ADAMTS19: variants seen among roughly 807,000 people sequenced by gnomAD.
ADAMTS19 encodes ADAM metallopeptidase with thrombospondin type 1 motif 19.
A neutral mutation model predicts 153.3 loss-of-function variants in ADAMTS19; 93 were observed. The observed-to-expected ratio is 0.61, with a 90% CI of 0.51 to 0.72. The LOEUF (loss-of-function observed/expected upper bound fraction) is 0.72. Ranked by LOEUF, ADAMTS19 falls within the 30% of genes least tolerant of loss-of-function variation. The pLI is 0.00. For missense variants in ADAMTS19, 1,482 were observed against 1,552.1 expected (o/e 0.95, Z 0.76); for synonymous variants, 600 against 556.6 (o/e 1.08, Z -1.10).
In ADAMTS19 at chr5:129,516,425, G is replaced by A. The variant is rs549748883; in HGVS notation, c.913+7183G>A. ...ACAGAATTCAGCAGTGAAGCCATAG[G>A]GTCCTGGACTTGACTTTACGGGAAG... On this transcript the variant is annotated intron_variant, in intron 3 of 22. Transcript: ENST00000274487. Among the ~76,000 whole-genome samples the A allele has an allele frequency of 1.9e-3, 287 of 151,560 alleles. 1 individual carries two copies. Among genetic ancestry groups the A allele is most frequent in the African/African-American group, 6.5e-3 (269 of 41,418 alleles).
intron 17 of ADAMTS19, among the ~76,000 whole-genome samples, chr5:129,681,380 G>T (rs1015608911): frequency 6.6e-6 from 1 of 152,160 alleles, no homozygotes; most frequent in African/African-American, 2.4e-5. Context: ...AATAAAGGGA[G>T]CAAGGTGAGT....
chr5:129,469,844 C>A (rs114892741), intron 2 of ADAMTS19, among the ~76,000 whole-genome samples: 1,605 of 152,174 alleles, frequency 0.011, 24 homozygotes, highest in African/African-American at 0.037. Flanking sequence ...GTGTACCTAC[C>A]TTTATGGCAT....
chr5:129,725,076 T>C (rs1192086271), intron 21 of ADAMTS19, among the ~76,000 whole-genome samples: 1 of 152,080 alleles, frequency 6.6e-6, no homozygotes, highest in African/African-American at 2.4e-5. Flanking sequence ...AAGAAATGAT[T>C]TGGGGGCTGC....
At chr5:129,710,010 C>T (rs752527072) in intron 21 of ADAMTS19, among the ~76,000 whole-genome samples, 50 of 151,490 alleles carry the variant, frequency 3.3e-4, no homozygotes, top group Non-Finnish European at 5.3e-4. Context: ...ATGTGCAGGA[C>T]CTGCAGGTTT....
chr5:129,563,984 A>G (rs1753614201), intron 7 of ADAMTS19, among the ~76,000 whole-genome samples: 1 of 152,024 alleles, frequency 6.6e-6, no homozygotes. Context: ...CAGTGGCGCA[A>G]TCTCGGCTCA....
chr5:129,461,873 G>A lies in ADAMTS19; in HGVS notation c.747+116G>A. ...TTTCAGTGTGCTCCTTTTGAGCTTGGCCCTAGACTGCACCCCCAGGTGTCT... is the reference window on the plus strand; with the variant it reads ...TTTCAGTGTGCTCCTTTTGAGCTTGACCCTAGACTGCACCCCCAGGTGTCT... On this transcript the variant is annotated intron_variant, in intron 2 of 22. Transcript: ENST00000274487. The surrounding 1 kb of genome is among the most constrained non-coding windows in gnomAD (Gnocchi z 4.6). 4.4e-6 allele frequency: 6 copies of A among 1,359,888 alleles called. No individual in the cohort carries two copies. The South Asian group carries it at 7.8e-5, about 18-fold the overall frequency. The allele number at this position is 1,359,888 out of a possible 1,614,324, so 84.2% of individuals were successfully genotyped here.
At chr5:129,470,375 G>A (rs949370588) in intron 2 of ADAMTS19, among the ~76,000 whole-genome samples, 1 of 152,198 alleles carries the variant, frequency 6.6e-6, no homozygotes, top group East Asian at 1.9e-4. Flanking sequence ...GTTCCTGGTA[G>A]GTGGGATATG....
chr5:129,654,489 A>G, intron 14 of ADAMTS19, 56 bp downstream of exon 14: 1 of 1,569,020 alleles, frequency 6.4e-7, no homozygotes, highest in East Asian at 2.2e-5. Flanking sequence ...TTGTGGGACC[A>G]CTGAGCAGCT....
intron 15 of ADAMTS19, among the ~76,000 whole-genome samples, chr5:129,661,211 T>C (rs777222613): frequency 3.6e-4 from 55 of 152,268 alleles, no homozygotes; most frequent in South Asian, 2.1e-3. Context: ...TTGTCTTTCA[T>C]TTCCCATTAG....
At chr5:129,576,792 A>G (rs1207821029) in intron 7 of ADAMTS19, among the ~76,000 whole-genome samples, 1 of 152,132 alleles carries the variant, frequency 6.6e-6, no homozygotes, top group Non-Finnish European at 1.5e-5. Context: ...TTGGTGGCCA[A>G]CCATGCAGTT....
intron 2 of ADAMTS19, among the ~76,000 whole-genome samples, chr5:129,462,694 A>C (rs906324762): frequency 6.6e-6 from 1 of 152,178 alleles, no homozygotes; most frequent in Non-Finnish European, 1.5e-5. Context: ...CATTAAGTAC[A>C]TTCACGTTGT....
chr5:129,642,070 T>A, intron 11 of ADAMTS19, 110 bp downstream of exon 11: 1 of 479,684 alleles, frequency 2.1e-6, no homozygotes, highest in Non-Finnish European at 3.7e-6. Context: ...GATGGAATAA[T>A]AACAGTATAT....
chr5:129,611,697 T>C (rs962680767), intron 8 of ADAMTS19, among the ~76,000 whole-genome samples: 1 of 152,178 alleles, frequency 6.6e-6, no homozygotes, highest in Non-Finnish European at 1.5e-5. Context: ...TGTAGCCTTG[T>C]AGTTTAGTTT....
chr5:129,686,131 A>G (rs967186119), intron 18 of ADAMTS19, among the ~76,000 whole-genome samples: 1 of 152,182 alleles, frequency 6.6e-6, no homozygotes, highest in Non-Finnish European at 1.5e-5. Context: ...TTAGGATGAT[A>G]CCAGTCCTTA....
chr5:129,675,457 C>T (rs1754511009), intron 16 of ADAMTS19, among the ~76,000 whole-genome samples: 1 of 152,022 alleles, frequency 6.6e-6, no homozygotes, highest in Admixed American at 6.6e-5. Flanking sequence ...TTTTTAGAAT[C>T]CAGTCAGTTT....
At chr5:129,484,335 C>A (rs1271349398) in intron 2 of ADAMTS19, among the ~76,000 whole-genome samples, 1 of 152,074 alleles carries the variant, frequency 6.6e-6, no homozygotes, top group East Asian at 1.9e-4. Flanking sequence ...CATGTTGAAG[C>A]CCTCAGGGTA....
chr5:129,497,027 C>A (rs1750947051), intron 2 of ADAMTS19, among the ~76,000 whole-genome samples: 1 of 151,978 alleles, frequency 6.6e-6, no homozygotes, highest in Non-Finnish European at 1.5e-5. Flanking sequence ...TCAGCTCTTG[C>A]TATTGAATTT....
chr5:129,700,434 T>A (rs1755780264), intron 19 of ADAMTS19, among the ~76,000 whole-genome samples: 1 of 152,190 alleles, frequency 6.6e-6, no homozygotes, highest in South Asian at 2.1e-4. Context: ...TAGTTGCTGC[T>A]GATAAGTGTA....
rs79842607 is a variant in ADAMTS19 at position 129,545,056 on chromosome 5, T to A, written c.1329-6808T>A. On this transcript the variant is annotated intron_variant, in intron 6 of 22. Coordinates refer to ENST00000274487, the MANE Select transcript of ADAMTS19 (RefSeq NM_133638.6). The stretch of plus-strand genomic sequence containing the variant: ...AATATAATTCCAAAATGACCAATGA[T>A]AACATATTCCATTGTAAGAACCCAG... Among the ~76,000 whole-genome samples the A allele has an allele frequency of 6.8e-3, 1,040 of 152,166 alleles. 16 individuals carry two copies. The highest frequency in any genetic ancestry group is 0.024 in the African/African-American group (987 of 41,506).
Sources: gnomAD v4.1 joint callset for allele counts (sites outside exome capture counted in the v4.1 genomes callset) on GRCh38, gnomAD v4.1.1 for gene constraint, Gnocchi (gnomAD v3.1) non-coding constraint, MANE v1.5 for transcripts, NCBI Gene and HGNC (gene_info 2026-07-23, HGNC 2026-07-21) for gene names.